The following SCNN1A variants were observed in gnomAD, a reference collection of about 807,000 sequenced individuals.
The protein encoded by SCNN1A is sodium channel epithelial 1 subunit alpha, also known as epithelial sodium channel subunit alpha.
Under a neutral mutation model 68.6 loss-of-function variants are expected in SCNN1A, and 65 were observed. That is an observed-to-expected ratio of 0.95 (90% confidence interval 0.78 to 1.16). The LOEUF (loss-of-function observed/expected upper bound fraction) is 1.16. SCNN1A is among the 50% of genes most tolerant of loss of function. The pLI, the probability that SCNN1A is intolerant of heterozygous loss-of-function variation, is 0.00. For missense variants in SCNN1A, 880 were observed against 865.9 expected (o/e 1.02, Z -0.20); for synonymous variants, 357 against 353.3 (o/e 1.01, Z -0.12).
chr12:6,368,911 G>A (rs1249814594), intron 2 of SCNN1A, among the ~76,000 whole-genome samples: 4 of 152,162 alleles, frequency 2.6e-5, no homozygotes, highest in East Asian at 1.9e-4. Context: ...TCTGCCTACC[G>A]CATGAAGCTC....
At chr12:6,354,975 C>T in intron 6 of SCNN1A, 127 bp from the exon 7 acceptor site, 2 of 854,526 alleles carry the variant, frequency 2.3e-6, no homozygotes, top group South Asian at 1.4e-5. Flanking sequence ...CCTCTCAATA[C>T]ATGCTTCCAG....
chr12:6,354,959 C>G (rs895471270), intron 6 of SCNN1A, 111 bp from the exon 7 acceptor site: 9 of 938,394 alleles, frequency 9.6e-6, no homozygotes, highest in East Asian at 4.8e-5. Context: ...CTCCTACTGG[C>G]CTCGCCCTCT....
chr12:6,354,109 T>C (rs977623017), intron 8 of SCNN1A, among the ~76,000 whole-genome samples: 5 of 151,778 alleles, frequency 3.3e-5, no homozygotes, highest in African/African-American at 7.3e-5. Flanking sequence ...CGGGTGCCTG[T>C]AGTCCCAGCT....
Position 6,369,339 on chromosome 12 carries a change from C to T in SCNN1A, c.416+5029G>A, listed in dbSNP as rs932449610. On this transcript the variant is annotated intron_variant, in intron 2 of 12. Coordinates refer to ENST00000228916, the MANE Select transcript of SCNN1A (RefSeq NM_001038.6). ...TACGCACCTCCCTCCTGCCACCCTA[C>T]GCACCTCCCTCCTGCCACCCTACGC... Among the ~76,000 whole-genome samples, 7 of 150,798 alleles carry T rather than the reference C, an allele frequency of 4.6e-5. No homozygotes were observed. In the South Asian group the frequency reaches 6.4e-4, roughly 14 times the overall value.
At chr12:6,353,879 GC>G (rs1948443928) in intron 8 of SCNN1A, 1 of 150,820 alleles carries the variant, frequency 6.6e-6, no homozygotes, top group African/African-American at 2.5e-5. Context: ...GTGAGCCACC[GC>G]GCCCGGCCTG....
intron 4 of SCNN1A, among the ~76,000 whole-genome samples, chr12:6,360,623 G>A (rs929629891): frequency 6.6e-6 from 1 of 152,250 alleles, no homozygotes; most frequent in Non-Finnish European, 1.5e-5. Context: ...TGTGTGAAGG[G>A]TAAGAAGTGA....
chr12:6,354,831 A>G lies in SCNN1A; in HGVS notation c.1161T>C (p.Leu387=), dbSNP rs1323344145. 1.2e-6 allele frequency: 2 copies of G among 1,613,708 alleles called. No homozygotes were observed. The highest frequency in any genetic ancestry group is 1.7e-6 in the Non-Finnish European group (2 of 1,179,860). ...ISMRKETLDR[L]GGDYGDCTKN... ...TGGTGCAGTCGCCATAATCGCCCCC[A>G]AGTCTGTCCAGGGTTTCCTATGAAC... The change falls in exon 7 of 13, where the codon CTT becomes CTC. Residue 387 remains leucine, a synonymous_variant. Coordinates refer to ENST00000228916, the MANE Select transcript of SCNN1A (RefSeq NM_001038.6).
chr12:6,348,883 C>G (rs1948316311), intron 11 of SCNN1A, 67 bp downstream of exon 11: 3 of 1,605,072 alleles, frequency 1.9e-6, no homozygotes, highest in Non-Finnish European at 1.7e-6. Flanking sequence ...ATATCGATCC[C>G]TCTTCTTAGG....
intron 1 of SCNN1A, 170 bp from the exon 2 acceptor site, chr12:6,375,007 C>T: frequency 3.2e-6 from 5 of 1,547,686 alleles, no homozygotes; most frequent in Non-Finnish European, 4.4e-6. Context: ...CCCTCCTCCA[C>T]CTTTCCTGGA....
Position 6,375,152 on chromosome 12 carries a change from C to T in SCNN1A, c.-54-315G>A. 3 of 1,464,868 alleles carry T rather than the reference C, an allele frequency of 2.0e-6. No individual in the cohort carries two copies. The South Asian group carries it at 4.2e-5, about 21-fold the overall frequency. 90.7% of individuals were successfully genotyped at this position (1,464,868 alleles called of 1,614,324 possible). ...CCTCCCTTTCTGTCTCTGCCCCCTT[C>T]CTTTGGTCTTCTTCCTCCAGGATCT... On this transcript the variant is annotated intron_variant, in intron 1 of 12. Coordinates refer to ENST00000228916, the MANE Select transcript of SCNN1A (RefSeq NM_001038.6).
At chr12:6,369,481 C>T (rs915022908) in intron 2 of SCNN1A, among the ~76,000 whole-genome samples, 2 of 152,108 alleles carry the variant, frequency 1.3e-5, no homozygotes, top group African/African-American at 4.8e-5. Flanking sequence ...GGCTGGGTTC[C>T]ATAGGGCCCC....
chr12:6,348,119 G>A lies in SCNN1A; in HGVS notation c.1764C>T (p.Phe588=). The A allele has an allele frequency of 6.2e-7, 1 of 1,614,170 alleles. No individual in the cohort carries two copies. Among genetic ancestry groups the A allele is most frequent in the Non-Finnish European group, 8.5e-7 (1 of 1,180,036 alleles). ...GGCCTGGAGACCAGTATCGGCTTCG[G>A]AACCTTCGGAGCAGCATGAGGAACA... The part of the protein sequence containing the change: ...VIMFLMLLRR[F]RSRYWSPGRG... Residue 588 remains phenylalanine (F), a synonymous_variant, in exon 13 of 13, where the codon TTC becomes TTT. Coordinates refer to ENST00000228916, the MANE Select transcript of SCNN1A (RefSeq NM_001038.6).
rs1324915472 is a variant in SCNN1A at position 6,374,198 on chromosome 12, G to T, written c.416+170C>A. ...ATGGCTCCACTGGGCAGGGACGCCA[G>T]TCCAGTAAGCTGGAGGCTCCTCATT... is the stretch of plus-strand genomic sequence containing the variant. On this transcript the variant is annotated intron_variant, in intron 2 of 12. Coordinates refer to ENST00000228916, the MANE Select transcript of SCNN1A (RefSeq NM_001038.6). The surrounding 1 kb of genome is among the most constrained non-coding windows in gnomAD (Gnocchi z 6.2). Among the ~76,000 whole-genome samples, 1 of 152,218 alleles carries T rather than the reference G, an allele frequency of 6.6e-6. No homozygotes were observed. The highest frequency in any genetic ancestry group is 1.5e-5 in the Non-Finnish European group (1 of 68,034).
intron 4 of SCNN1A, among the ~76,000 whole-genome samples, chr12:6,356,914 C>T (rs1179648991): frequency 6.6e-6 from 1 of 152,120 alleles, no homozygotes; most frequent in African/African-American, 2.4e-5. Flanking sequence ...TGTACGGTCT[C>T]AAGCAGGTCA....
chr12:6,360,046 C>T (rs1948558075), intron 4 of SCNN1A, among the ~76,000 whole-genome samples: 1 of 152,198 alleles, frequency 6.6e-6, no homozygotes, highest in Non-Finnish European at 1.5e-5. Context: ...GCTGGGATTA[C>T]AGGCATGAGC....
intron 2 of SCNN1A, among the ~76,000 whole-genome samples, chr12:6,371,027 G>T (rs187032875): frequency 6.6e-6 from 1 of 152,090 alleles, no homozygotes; most frequent in Admixed American, 6.5e-5. Flanking sequence ...CCTTCCCTTC[G>T]GACTCAGCAC....
rs752542101 is a variant in SCNN1A, at chr12:6,374,493, C to G, written c.291G>C (p.Met97Ile). 1 of 1,614,240 alleles carries G rather than the reference C, an allele frequency of 6.2e-7. No individual in the cohort carries two copies. The highest frequency in any genetic ancestry group is 1.3e-5 in the African/African-American group (1 of 75,066). Reference sequence around the variant, plus strand: ...AAAGCAGGCCGAATTGCCAGTACATCATGCCAAAGGTGCAGAGCCACAGCA... The same window carrying G: ...AAAGCAGGCCGAATTGCCAGTACATGATGCCAAAGGTGCAGAGCCACAGCA... ...WAVLWLCTFGMMYWQFGLLFG... is the reference protein window; with the variant it reads ...WAVLWLCTFGIMYWQFGLLFG... The change falls in exon 2 of 13, where the codon ATG becomes ATC. Residue 97 changes from methionine to isoleucine, a missense_variant. This residue lies in a region of SCNN1A where 45 missense variants were observed against 76.7 expected (regional missense o/e 0.59). Transcript: ENST00000228916. This position sits in a 1 kb window ranked among gnomAD's most constrained non-coding sequence, Gnocchi z 6.2.
chr12:6,360,064 C>A (rs1483690898), intron 4 of SCNN1A, among the ~76,000 whole-genome samples: 1 of 152,186 alleles, frequency 6.6e-6, no homozygotes, highest in Admixed American at 6.5e-5. Flanking sequence ...AGCCACCGTG[C>A]CCGGTGAGAT....
At chr12:6,376,216 C>G, upstream of SCNN1A, 2 of 982,882 alleles carry the variant, frequency 2.0e-6, no homozygotes, top group Non-Finnish European at 2.4e-6. Flanking sequence ...GCGTCTGCCT[C>G]CTCCTGGTCC....
Sources: allele counts gnomAD v4.1 joint callset (sites outside exome capture counted in the v4.1 genomes callset), GRCh38; gene constraint gnomAD v4.1.1; regional missense constraint gnomAD v4.1.1; non-coding constraint Gnocchi (gnomAD v3.1); transcripts MANE v1.5; gene names NCBI Gene and HGNC (gene_info 2026-07-23, HGNC 2026-07-21).